The following MEOX2 variants were observed in gnomAD, a reference collection of about 807,000 sequenced individuals.
MEOX2 encodes the protein homeobox protein MOX-2.
Under a neutral mutation model 27.0 loss-of-function variants are expected in MEOX2, and 11 were observed. That is an observed-to-expected ratio of 0.41 (90% CI 0.26 to 0.68). MEOX2 has a LOEUF of 0.68. Among genes scored for constraint, MEOX2 ranks in the 30% least tolerant of loss-of-function variants. The pLI is 0.33. For missense variants in MEOX2, 436 were observed against 385.4 expected (o/e 1.13, Z -1.10); for synonymous variants, 189 against 155.4 (o/e 1.22, Z -1.61).
chr7:15,617,745 C>A (rs892767228), intron 2 of MEOX2, among the ~76,000 whole-genome samples: 2 of 152,050 alleles, frequency 1.3e-5, no homozygotes, highest in East Asian at 1.9e-4. Context: ...TGCCTCTCAC[C>A]TTTATCCACT....
intron 1 of MEOX2, among the ~76,000 whole-genome samples, chr7:15,652,849 A>G (rs1330502622): frequency 6.6e-6 from 1 of 151,972 alleles, no homozygotes; most frequent in Admixed American, 6.6e-5. Context: ...CATGTTATGG[A>G]TGTACCACTG....
chr7:15,648,433 A>C (rs1781683300), intron 1 of MEOX2, among the ~76,000 whole-genome samples: 1 of 152,124 alleles, frequency 6.6e-6, no homozygotes, highest in African/African-American at 2.4e-5. Context: ...CAGAGTATAC[A>C]AAAGAGAGAT....
At chr7:15,675,447 T>C (rs1328812365) in intron 1 of MEOX2, among the ~76,000 whole-genome samples, 2 of 152,182 alleles carry the variant, frequency 1.3e-5, no homozygotes, top group Admixed American at 6.5e-5. Context: ...TTTTAAGTGA[T>C]GCTGAAATTT....
chr7:15,629,769 T>C (rs1781372081), intron 1 of MEOX2, among the ~76,000 whole-genome samples: 3 of 151,522 alleles, frequency 2.0e-5, no homozygotes, highest in Admixed American at 6.6e-5. Context: ...TTTAAAATAT[T>C]TTTACCTCTT....
intron 2 of MEOX2, among the ~76,000 whole-genome samples, chr7:15,616,650 T>G (rs1017467153): frequency 6.6e-6 from 1 of 151,954 alleles, no homozygotes; most frequent in Non-Finnish European, 1.5e-5. Flanking sequence ...CCTAAAATTT[T>G]ATTTACTAAA....
intron 2 of MEOX2, among the ~76,000 whole-genome samples, chr7:15,616,394 G>A (rs1298459672): frequency 3.3e-5 from 5 of 151,550 alleles, no homozygotes; most frequent in Admixed American, 6.6e-5. Context: ...AAATGGAGAA[G>A]GATTTTTGGA....
chr7:15,624,998 G>T (rs760199007), intron 2 of MEOX2, among the ~76,000 whole-genome samples: 2 of 152,060 alleles, frequency 1.3e-5, no homozygotes, highest in Non-Finnish European at 2.9e-5. Context: ...ATTCTGCTCC[G>T]TGGTCAAACA....
intron 1 of MEOX2, among the ~76,000 whole-genome samples, chr7:15,676,880 T>C (rs1179281947): frequency 6.6e-6 from 1 of 151,346 alleles, no homozygotes; most frequent in Non-Finnish European, 1.5e-5. Flanking sequence ...AGAGTCCTCA[T>C]TTTATTCTTT....
chr7:15,684,416 T>C (rs1379455957), intron 1 of MEOX2, among the ~76,000 whole-genome samples: 1 of 152,182 alleles, frequency 6.6e-6, no homozygotes, highest in African/African-American at 2.4e-5. Flanking sequence ...GTTAGGAAAA[T>C]ACATTAAATA....
At chr7:15,642,040 A>G (rs1333794195) in intron 1 of MEOX2, among the ~76,000 whole-genome samples, 1 of 152,076 alleles carries the variant, frequency 6.6e-6, no homozygotes, top group Admixed American at 6.6e-5. Flanking sequence ...TCGGTCTTTA[A>G]GATTTTTCCT....
At chr7:15,661,384 T>C (rs1781914380) in intron 1 of MEOX2, among the ~76,000 whole-genome samples, 4 of 152,228 alleles carry the variant, frequency 2.6e-5, no homozygotes, top group Admixed American at 1.3e-4. Context: ...TTCTTTATGA[T>C]TGGTTAATAT....
intron 1 of MEOX2, among the ~76,000 whole-genome samples, chr7:15,669,412 A>G (rs1376722922): frequency 6.6e-6 from 1 of 152,234 alleles, no homozygotes; most frequent in Non-Finnish European, 1.5e-5. Context: ...ACTTTAACGC[A>G]CACTCTCAAC....
intron 1 of MEOX2, among the ~76,000 whole-genome samples, chr7:15,632,388 A>G (rs1781418501): frequency 6.6e-6 from 1 of 151,750 alleles, no homozygotes; most frequent in Non-Finnish European, 1.5e-5. Context: ...TTAATGTGTC[A>G]TTTTGTTTTA....
intron 1 of MEOX2, 26 bp from the exon 2 acceptor site, chr7:15,626,944 G>A (rs1781318571): frequency 1.2e-6 from 2 of 1,601,334 alleles, no homozygotes; most frequent in Non-Finnish European, 1.7e-6. Context: ...GACAGAATTG[G>A]TAATAACTCA....
At chr7:15,625,934 T>A (rs1781296320) in intron 2 of MEOX2, among the ~76,000 whole-genome samples, 1 of 152,138 alleles carries the variant, frequency 6.6e-6, no homozygotes, top group African/African-American at 2.4e-5. Flanking sequence ...TTCAAAGTAT[T>A]CTCTGAGTGG....
At chr7:15,676,222 A>G (rs879590333) in intron 1 of MEOX2, 2 of 152,190 alleles carry the variant, frequency 1.3e-5, no homozygotes, top group Non-Finnish European at 2.9e-5. Flanking sequence ...TAAATATGCA[A>G]ATGTGAACAA....
chr7:15,627,808 A>AACACACACACACACAC (rs71549949), intron 1 of MEOX2, among the ~76,000 whole-genome samples: 5,648 of 147,320 alleles, frequency 0.038, 172 homozygotes, highest in Middle Eastern at 0.09. Context: ...ATCAATAGTA[A>AACACACACACACACAC]ACACACACAC....
In MEOX2 at chr7:15,612,396, C is replaced by A; in HGVS notation, c.906G>T (p.Ala302=). The change falls in exon 3 of 3, where the codon GCG becomes GCT. Residue 302 remains alanine, a synonymous_variant. Coordinates refer to ENST00000262041, the MANE Select transcript of MEOX2 (RefSeq NM_005924.5). The part of the protein sequence containing the change: ...SHDSDHSSEH[A]HL ...TGGTCCTCTGTTTATATCATAAGTG[C>A]GCATGCTCTGAGCTGTGGTCACTGT... 1.2e-6 allele frequency: 2 copies of A among 1,613,378 alleles called. No individual in the cohort carries two copies. The highest frequency in any genetic ancestry group is 1.7e-6 in the Non-Finnish European group (2 of 1,179,430).
At chr7:15,676,993 T>A (rs1028440599) in intron 1 of MEOX2, among the ~76,000 whole-genome samples, 1 of 152,160 alleles carries the variant, frequency 6.6e-6, no homozygotes, top group Non-Finnish European at 1.5e-5. Context: ...TAAAAGAGGC[T>A]GTGGAATGGA....
Sources: gnomAD v4.1 joint callset for allele counts (sites outside exome capture counted in the v4.1 genomes callset) on GRCh38, gnomAD v4.1.1 for gene constraint, MANE v1.5 for transcripts, NCBI Gene and HGNC (gene_info 2026-07-23, HGNC 2026-07-21) for gene names.